DNAAF11: variants seen among roughly 807,000 people sequenced by gnomAD.
DNAAF11 encodes the protein leucine rich repeat containing 6.
In DNAAF11, 45 loss-of-function variants were observed where a neutral mutation model predicts 60.8. The observed-to-expected ratio is 0.74, with a 90% CI of 0.58 to 0.95. The LOEUF (loss-of-function observed/expected upper bound fraction) is 0.95, where lower values mean the gene tolerates loss of function less well. Among genes scored for constraint, DNAAF11 ranks in the 40% least tolerant of loss-of-function variants. The probability of loss-of-function intolerance (pLI) is 0.00; values close to 1 mark genes in which losing one functional copy is unlikely to be tolerated. For synonymous variants in DNAAF11, 191 were observed against 183.5 expected (o/e 1.04, Z -0.33); for missense variants, 546 against 546.2 (o/e 1.00, Z 0.00).
chr8:132,611,134 TC>T (rs1407742267), intron 9 of DNAAF11, among the ~76,000 whole-genome samples, 159 bp downstream of exon 9: 1 of 152,188 alleles, frequency 6.6e-6, no homozygotes, highest in African/African-American at 2.4e-5. Flanking sequence ...CCTCAGGTGA[TC>T]CGCCCGCCTT....
rs1218486468 is a variant in DNAAF11 at position 132,571,244 on chromosome 8, T to C, written c.*1062A>G. Among the ~76,000 whole-genome samples, 1 of 152,182 alleles carries C rather than the reference T, an allele frequency of 6.6e-6. No homozygotes were observed. The highest frequency in any genetic ancestry group is 2.4e-5 in the African/African-American group (1 of 41,446). ...CCTGACATAGTCTGTGTGTATGTAT[T>C]TGTCTGCTTTGTTACTACTAAATCC... On this transcript the variant is annotated 3_prime_UTR_variant, in exon 12 of 12. Coordinates refer to ENST00000620350, the MANE Select transcript of DNAAF11 (RefSeq NM_012472.6).
At chr8:132,684,942 C>A in the DNAAF11 span, 1 of 152,116 alleles carries the variant, frequency 6.6e-6, no homozygotes, top group African/African-American at 2.4e-5. Flanking sequence ...TCCCTCTTAC[C>A]ATGTGGTGTC....
intron 11 of DNAAF11, among the ~76,000 whole-genome samples, chr8:132,573,039 T>A (rs1814373867): frequency 6.6e-6 from 1 of 152,034 alleles, no homozygotes. Flanking sequence ...ATAGCAAGCA[T>A]GAAACAGAAG....
At position 132,602,713 on chromosome 8, in the gene DNAAF11, T is replaced by C. The variant is rs1358709162; in HGVS notation, c.1140+7453A>G. On this transcript the variant is annotated intron_variant, in intron 10 of 11. Transcript: ENST00000620350. ...TACTCATGTCCCTGTGTGTATCTAG[T>C]TTATCTTTGCATACTGGATACTTAA... Among the ~76,000 whole-genome samples, 6 of 151,092 alleles carry C rather than the reference T, an allele frequency of 4.0e-5. No homozygotes were observed. The South Asian group carries it at 1.3e-3, about 32-fold the overall frequency.
the DNAAF11 span, among the ~76,000 whole-genome samples, chr8:132,686,951 C>G: frequency 6.6e-6 from 1 of 152,178 alleles, no homozygotes; most frequent in South Asian, 2.1e-4. Flanking sequence ...TATCCCATCA[C>G]TAGTCTGTCT....
intron 3 of DNAAF11, among the ~76,000 whole-genome samples, chr8:132,649,746 A>C (rs1245185334): frequency 6.6e-6 from 1 of 152,250 alleles, no homozygotes; most frequent in Non-Finnish European, 1.5e-5. Context: ...ACATTTATGC[A>C]GCCAACAGAC....
intron 1 of DNAAF11, among the ~76,000 whole-genome samples, chr8:132,667,754 A>C (rs973299048): frequency 2.0e-5 from 3 of 152,184 alleles, no homozygotes; most frequent in African/African-American, 7.2e-5. Flanking sequence ...AGCTCACCTA[A>C]GTTTCTTTCC....
chr8:132,632,843 T>C lies in DNAAF11; in HGVS notation c.550A>G (p.Lys184Glu). 6.2e-7 allele frequency: 1 copy of C among 1,613,064 alleles called. No individual in the cohort carries two copies. Among genetic ancestry groups the C allele is most frequent in the Non-Finnish European group, 8.5e-7 (1 of 1,179,050 alleles). The change falls in exon 5 of 12, where the codon AAG becomes GAG. Residue 184 changes from lysine (K) to glutamate (E), a missense_variant. Physicochemically the swap from Lys to Glu is moderately conservative, Grantham distance 56. Transcript: ENST00000620350. Reference protein sequence around the residue: ...KDHCLKRAKLKEEAQRKHQEE... With the variant: ...KDHCLKRAKLEEEAQRKHQEE... ...TGGTGTTTCCTCTGAGCCTCTTCCT[T>C]GAGTTTGGCTCGTTTAAGACAGTGA...
At chr8:132,701,553 G>A in the DNAAF11 span, among the ~76,000 whole-genome samples, 2 of 152,288 alleles carry the variant, frequency 1.3e-5, no homozygotes, top group Middle Eastern at 3.4e-3. Context: ...TGAGCTGCAT[G>A]GACCCCAGAA....
chr8:132,644,684 T>C (rs71526262), intron 3 of DNAAF11, among the ~76,000 whole-genome samples: 9,382 of 152,276 alleles, frequency 0.062, 384 homozygotes, highest in Non-Finnish European at 0.083. Flanking sequence ...CAGGAGATTA[T>C]ATCCCATGCA....
chr8:132,648,010 G>A (rs1397187403), intron 3 of DNAAF11, among the ~76,000 whole-genome samples: 1 of 152,280 alleles, frequency 6.6e-6, no homozygotes, highest in African/African-American at 2.4e-5. Flanking sequence ...CTCATTTTAT[G>A]AGGCCAGAAT....
intron 1 of DNAAF11, among the ~76,000 whole-genome samples, chr8:132,662,593 A>G (rs1824244541): frequency 6.6e-6 from 1 of 152,214 alleles, no homozygotes; most frequent in Non-Finnish European, 1.5e-5. Flanking sequence ...CTTTGCATGT[A>G]TTAATATATG....
At chr8:132,667,452 T>G (rs911247481) in intron 1 of DNAAF11, among the ~76,000 whole-genome samples, 1 of 152,252 alleles carries the variant, frequency 6.6e-6, no homozygotes, top group South Asian at 2.1e-4. Flanking sequence ...TTTGGAAGCA[T>G]TAATATGTTA....
chr8:132,695,375 A>G, the DNAAF11 span, among the ~76,000 whole-genome samples: 1 of 152,260 alleles, frequency 6.6e-6, no homozygotes, highest in South Asian at 2.1e-4. Flanking sequence ...TTATAAGTAG[A>G]TAAGAGAGGG....
intron 5 of DNAAF11, among the ~76,000 whole-genome samples, chr8:132,630,331 A>G (rs1419705652): frequency 6.6e-6 from 1 of 152,226 alleles, no homozygotes; most frequent in African/African-American, 2.4e-5. Context: ...TAGAAGGGAT[A>G]TAGTAAGGGT....
chr8:132,661,976 G>C (rs577496715), intron 1 of DNAAF11, among the ~76,000 whole-genome samples: 1 of 152,170 alleles, frequency 6.6e-6, no homozygotes, highest in East Asian at 1.9e-4. Flanking sequence ...AAATGGATGA[G>C]ATCCACTAAC....
chr8:132,602,599 T>C (rs976818454), intron 10 of DNAAF11, among the ~76,000 whole-genome samples: 1 of 152,042 alleles, frequency 6.6e-6, no homozygotes, highest in Admixed American at 6.6e-5. Context: ...CCACAGCAAC[T>C]GTGGGACCCT....
chr8:132,687,387 C>T, the DNAAF11 span: 1 of 294,442 alleles, frequency 3.4e-6, no homozygotes, highest in Non-Finnish European at 6.7e-6. Flanking sequence ...GATCTCTGCC[C>T]TTTGAAAGCT....
At chr8:132,627,611 T>A (rs374420037) in intron 5 of DNAAF11, among the ~76,000 whole-genome samples, 1 of 152,092 alleles carries the variant, frequency 6.6e-6, no homozygotes, top group Non-Finnish European at 1.5e-5. Flanking sequence ...TCGAAGCCAT[T>A]CCCTCCCCCT....
Sources: allele counts gnomAD v4.1 joint callset (sites outside exome capture counted in the v4.1 genomes callset), GRCh38; gene constraint gnomAD v4.1.1; transcripts MANE v1.5; gene names NCBI Gene and HGNC (gene_info 2026-07-23, HGNC 2026-07-21).